The following SORBS2 variants were observed in gnomAD, a reference collection of about 807,000 sequenced individuals.
SORBS2 encodes sorbin and SH3 domain-containing protein 2.
In SORBS2, 46 loss-of-function variants were observed where a neutral mutation model predicts 97.7. That is an observed-to-expected ratio of 0.47 (90% CI 0.37 to 0.60). The LOEUF is 0.60. Ranked by LOEUF, SORBS2 falls within the 20% of genes least tolerant of loss-of-function variation. The pLI, the probability that SORBS2 is intolerant of heterozygous loss-of-function variation, is 0.00. For missense variants in SORBS2, 1,316 were observed against 1,282.3 expected (o/e 1.03, Z -0.40); for synonymous variants, 476 against 473.4 (o/e 1.01, Z -0.07).
chr4:185,665,776 G>A, intron 4 of SORBS2: 1 of 1,081,662 alleles, frequency 9.2e-7, no homozygotes, highest in Non-Finnish European at 1.1e-6. Flanking sequence ...ATCTGTCACA[G>A]CAGACCTCTG....
intron 12 of SORBS2, among the ~76,000 whole-genome samples, chr4:185,602,640 A>G (rs574302103): frequency 2.0e-3 from 305 of 152,324 alleles, no homozygotes; most frequent in Non-Finnish European, 3.2e-3. Context: ...AAACATTACT[A>G]AGAGTTTATT....
intron 1 of SORBS2, among the ~76,000 whole-genome samples, chr4:185,875,816 A>G (rs979909846): frequency 7.9e-5 from 12 of 152,240 alleles, no homozygotes; most frequent in Non-Finnish European, 1.5e-4. Context: ...AAGGCGTTCT[A>G]GAGTCTGTAT....
intron 1 of SORBS2, among the ~76,000 whole-genome samples, chr4:185,653,927 C>T (rs1024530909): frequency 2.0e-5 from 3 of 152,148 alleles, no homozygotes; most frequent in Non-Finnish European, 4.4e-5. Context: ...AGGACTGATA[C>T]GAAAGCATTC....
chr4:185,820,302 G>A (rs745879019), intron 1 of SORBS2, among the ~76,000 whole-genome samples: 4 of 152,248 alleles, frequency 2.6e-5, no homozygotes, highest in Non-Finnish European at 5.9e-5. Flanking sequence ...GCGGCGCTGT[G>A]TGAACAGCCA....
chr4:185,681,728 CTCTG>C (rs1220489745), intron 2 of SORBS2, among the ~76,000 whole-genome samples: 14 of 152,168 alleles, frequency 9.2e-5, no homozygotes, highest in African/African-American at 2.4e-5. Flanking sequence ...ACTGGTGAGT[CTCTG>C]TCTGAGATTT....
At chr4:185,770,383 C>G (rs958229460) in intron 2 of SORBS2, among the ~76,000 whole-genome samples, 10 of 152,314 alleles carry the variant, frequency 6.6e-5, no homozygotes, top group South Asian at 2.1e-4. Flanking sequence ...TCTGTATGCA[C>G]ATTTTCTGCC....
chr4:185,915,816 A>C (rs1275099859), intron 1 of SORBS2, among the ~76,000 whole-genome samples: 1 of 152,196 alleles, frequency 6.6e-6, no homozygotes, highest in Non-Finnish European at 1.5e-5. Flanking sequence ...TAGCTCTCTA[A>C]GAAGGTTAAG....
chr4:185,686,155 T>A (rs2097954404), intron 2 of SORBS2, among the ~76,000 whole-genome samples: 1 of 152,180 alleles, frequency 6.6e-6, no homozygotes, highest in Non-Finnish European at 1.5e-5. Context: ...GATATAATAA[T>A]ATAATCATTA....
Position 185,750,575 on chromosome 4 carries a change from G to A in SORBS2, c.-198+24652C>T, listed in dbSNP as rs565437846. Among the ~76,000 whole-genome samples the A allele has an allele frequency of 1.6e-4, 24 of 152,334 alleles. No homozygotes were observed. In the East Asian group the frequency reaches 4.1e-3, roughly 26 times the overall value. The stretch of plus-strand genomic sequence containing the variant: ...TGCTGCTGTGCAGTCCCCAACATCC[G>A]ATCCTTGCTGAAGTTTATTGATTAA... On this transcript the variant is annotated intron_variant, in intron 2 of 20. Transcript: ENST00000284776.
chr4:185,624,123 T>A (rs371996089), exon 7 of SORBS2: 1 of 1,614,234 alleles, frequency 6.2e-7, no homozygotes, highest in African/African-American at 1.3e-5. Context: ...CTGCCGTTAC[T>A]GCGAACCTCC....
At chr4:185,656,739 C>A (rs2097412139) in exon 1 of SORBS2, 1 of 1,538,828 alleles carries the variant, frequency 6.5e-7, no homozygotes, top group East Asian at 2.5e-5. Context: ...GCTGCCTCTG[C>A]TACTGCTGCG....
chr4:185,647,455 C>G (rs2097229731), intron 3 of SORBS2, among the ~76,000 whole-genome samples: 1 of 150,608 alleles, frequency 6.6e-6, no homozygotes, highest in South Asian at 2.1e-4. Flanking sequence ...CTCTGTTGCC[C>G]AGGCTGGAGT....
chr4:185,606,319 A>T lies in SORBS2; in HGVS notation c.2796+5461T>A. 1 of 975,606 alleles carries T rather than the reference A, an allele frequency of 1.0e-6. No individual in the cohort carries two copies. The highest frequency in any genetic ancestry group is 1.2e-6 in the Non-Finnish European group (1 of 821,090). 60.4% of individuals were successfully genotyped at this position (975,606 alleles called of 1,614,324 possible). ...TTGTTAATATTGGAAGATTACAAAG[A>T]CTATATCAATTACAAAGACTTTTAC... On this transcript the variant is annotated intron_variant, in intron 12 of 14. Coordinates refer to ENST00000418609, the Ensembl canonical transcript of SORBS2. The surrounding 1 kb of genome is among the most constrained non-coding windows in gnomAD (Gnocchi z 4.3).
At chr4:185,758,339 C>T (rs2153606684) in intron 2 of SORBS2, among the ~76,000 whole-genome samples, 1 of 152,332 alleles carries the variant, frequency 6.6e-6, no homozygotes, top group East Asian at 1.9e-4. Context: ...GCACCTCCCC[C>T]TCTGACATAG....
chr4:185,761,275 G>A (rs993974701), intron 2 of SORBS2, among the ~76,000 whole-genome samples: 4 of 152,120 alleles, frequency 2.6e-5, no homozygotes, highest in African/African-American at 9.7e-5. Context: ...TTGAAAATCT[G>A]TACCGAAAGC....
intron 2 of SORBS2, among the ~76,000 whole-genome samples, chr4:185,732,003 TAATA>T (rs1384951145): frequency 2.0e-5 from 3 of 150,900 alleles, no homozygotes; most frequent in Non-Finnish European, 2.9e-5. Context: ...AACTTGTGGA[TAATA>T]AATTTCAAAA....
chr4:185,887,476 C>T (rs1223151684), intron 1 of SORBS2, among the ~76,000 whole-genome samples: 3 of 152,180 alleles, frequency 2.0e-5, no homozygotes, highest in South Asian at 4.1e-4. Flanking sequence ...CATCGCAGAC[C>T]GTGGCATTTA....
chr4:185,760,378 A>C lies in SORBS2; in HGVS notation c.-198+14849T>G, dbSNP rs568720542. 2.6e-5 allele frequency among the ~76,000 whole-genome samples: 4 copies of C among 152,338 alleles called. No homozygotes were observed. The East Asian group carries it at 7.7e-4, about 29-fold the overall frequency. Reference sequence around the variant, plus strand: ...GAAGTTCAAGACCAGCCTGGTCAACATGGTGAAACCCCATCTCTACTAAAT... The same window carrying C: ...GAAGTTCAAGACCAGCCTGGTCAACCTGGTGAAACCCCATCTCTACTAAAT... On this transcript the variant is annotated intron_variant, in intron 2 of 20. Coordinates refer to the SORBS2 transcript ENST00000284776.
chr4:185,702,566 T>C (rs1044896053), intron 2 of SORBS2, among the ~76,000 whole-genome samples: 4 of 152,160 alleles, frequency 2.6e-5, no homozygotes, highest in Admixed American at 1.3e-4. Context: ...ATCCAGACCA[T>C]AGCACACATC....
Sources: gnomAD v4.1 joint callset for allele counts (sites outside exome capture counted in the v4.1 genomes callset) on GRCh38, gnomAD v4.1.1 for gene constraint, Gnocchi (gnomAD v3.1) non-coding constraint, MANE v1.5 for transcripts, NCBI Gene and HGNC (gene_info 2026-07-23, HGNC 2026-07-21) for gene names.